TMEM132B: variants seen among roughly 807,000 people sequenced by gnomAD.
TMEM132B encodes the protein transmembrane protein 132B.
In TMEM132B, 18 loss-of-function variants were observed where a neutral mutation model predicts 90.8. The observed-to-expected ratio is 0.20, with a 90% CI of 0.14 to 0.29. TMEM132B has a LOEUF of 0.29. TMEM132B is among the 10% of genes least tolerant of loss of function. The pLI, the probability that TMEM132B is intolerant of heterozygous loss-of-function variation, is 1.00. For synonymous variants in TMEM132B, 504 were observed against 523.3 expected (o/e 0.96, Z 0.50); for missense variants, 1,096 against 1,326.8 (o/e 0.83, Z 2.70).
chr12:125,519,754 AT>A, intron 4 of TMEM132B, 129 bp downstream of exon 4: 1 of 924,118 alleles, frequency 1.1e-6, no homozygotes, highest in Non-Finnish European at 1.6e-6. Context: ...CTTAAATTGC[AT>A]TTGATCTACC....
chr12:125,462,765 A>G (rs1487066106), intron 3 of TMEM132B, among the ~76,000 whole-genome samples: 2 of 152,188 alleles, frequency 1.3e-5, no homozygotes, highest in Non-Finnish European at 2.9e-5. Context: ...GATTACTACC[A>G]ATAAAATTTG....
intron 1 of TMEM132B, among the ~76,000 whole-genome samples, chr12:125,284,869 T>C (rs1246420221): frequency 6.6e-6 from 1 of 152,214 alleles, no homozygotes; most frequent in African/African-American, 2.4e-5. Context: ...TTGCTCTGTG[T>C]TGGCTTTATT....
chr12:125,637,262 TA>T (rs1886507654), intron 5 of TMEM132B, among the ~76,000 whole-genome samples: 1 of 152,154 alleles, frequency 6.6e-6, no homozygotes, highest in Non-Finnish European at 1.5e-5. Flanking sequence ...ACACAAAAAC[TA>T]AGAATGAACT....
intron 1 of TMEM132B, among the ~76,000 whole-genome samples, chr12:125,347,636 G>A (rs552006672): frequency 1.3e-5 from 2 of 152,336 alleles, no homozygotes; most frequent in South Asian, 4.1e-4. Context: ...CCTCTGGGAT[G>A]CTGCATTTTA....
At chr12:125,279,899 T>G (rs1054488070) in intron 1 of TMEM132B, among the ~76,000 whole-genome samples, 3 of 152,214 alleles carry the variant, frequency 2.0e-5, no homozygotes, top group African/African-American at 7.2e-5. Context: ...ATTATATTAA[T>G]AACTAACACT....
At chr12:125,302,189 ACT>A (rs1409382607) in intron 1 of TMEM132B, among the ~76,000 whole-genome samples, 1 of 151,020 alleles carries the variant, frequency 6.6e-6, no homozygotes, top group East Asian at 1.9e-4. Flanking sequence ...ACAGAGGGAG[ACT>A]CTGTCTCAAA....
chr12:125,428,142 C>T (rs1880379162), intron 3 of TMEM132B, among the ~76,000 whole-genome samples: 1 of 152,026 alleles, frequency 6.6e-6, no homozygotes, highest in Non-Finnish European at 1.5e-5. Flanking sequence ...CAGGCATGTA[C>T]CATCATACCT....
At chr12:125,289,575 C>T (rs1453566637) in intron 1 of TMEM132B, among the ~76,000 whole-genome samples, 4 of 152,228 alleles carry the variant, frequency 2.6e-5, no homozygotes, top group Admixed American at 1.3e-4. Flanking sequence ...GGAACCCAGA[C>T]AGAGAATAAC....
At chr12:125,376,419 C>A (rs565719124) in intron 2 of TMEM132B, among the ~76,000 whole-genome samples, 4 of 152,096 alleles carry the variant, frequency 2.6e-5, no homozygotes, top group African/African-American at 9.7e-5. Flanking sequence ...TGACAGGGCA[C>A]GGGATGCCTG....
In TMEM132B at chr12:125,519,636, T is replaced by G. The variant is rs369479080; in HGVS notation, c.1293+11T>G. The G allele has an allele frequency of 4.9e-5, 79 of 1,613,172 alleles. No homozygotes were observed. Among genetic ancestry groups the G allele is most frequent in the Non-Finnish European group, 6.6e-5 (78 of 1,179,862 alleles). On this transcript the variant is annotated intron_variant, in intron 4 of 8. Transcript: ENST00000682704. Reference sequence around the variant, plus strand: ...GTCCCTCTTGCCATGGTGAGGAATCTGGGGGTTTCAGAGGAAGTGTCACAA... The same window carrying G: ...GTCCCTCTTGCCATGGTGAGGAATCGGGGGGTTTCAGAGGAAGTGTCACAA...
chr12:125,584,778 A>C (rs1019212323), intron 5 of TMEM132B: 1 of 152,070 alleles, frequency 6.6e-6, no homozygotes, highest in Non-Finnish European at 1.5e-5. Context: ...ATTTCTGCCT[A>C]TTTTTTCTTA....
rs1465553063 is a variant in TMEM132B at position 125,498,651 on chromosome 12, C to T, written c.1107-20788C>T. Among the ~76,000 whole-genome samples, 2 of 152,182 alleles carry T rather than the reference C, an allele frequency of 1.3e-5. No homozygotes were observed. The highest frequency in any genetic ancestry group is 4.8e-5 in the African/African-American group (2 of 41,450). ...CAGGAGACAGGTAAAGAGGATACCC[C>T]CTGATTCTAGTTGGAAAGACCAGCT... On this transcript the variant is annotated intron_variant, in intron 3 of 8. Transcript: ENST00000682704. The surrounding 1 kb of genome is among the most constrained non-coding windows in gnomAD (Gnocchi z 4.5).
At chr12:125,551,613 G>T (rs1482427664) in intron 4 of TMEM132B, among the ~76,000 whole-genome samples, 2 of 137,686 alleles carry the variant, frequency 1.5e-5, no homozygotes, top group African/African-American at 2.9e-5. Context: ...TAAACAAGAT[G>T]ATGCTCATTT....
intron 4 of TMEM132B, among the ~76,000 whole-genome samples, chr12:125,527,062 C>G (rs1294936287): frequency 2.0e-5 from 3 of 148,370 alleles, no homozygotes; most frequent in Admixed American, 6.7e-5. Flanking sequence ...TTCCATCCAC[C>G]CATTTACCCT....
At chr12:125,346,429 G>A (rs2136228103) in intron 1 of TMEM132B, among the ~76,000 whole-genome samples, 1 of 152,284 alleles carries the variant, frequency 6.6e-6, no homozygotes, top group South Asian at 2.1e-4. Context: ...AGTCTGGTGT[G>A]CCTGCTTAGC....
Position 125,409,595 on chromosome 12 carries a change from TGGA to T in TMEM132B, c.960-5931_960-5929del, listed in dbSNP as rs1566026130. ...GTGAGTGGAGTGGAGTGGAGTGGAG[TGGA>T]GGAGTGGAGTGGAGTGGAGTGGAGG... On this transcript the variant is annotated intron_variant, in intron 2 of 8. Coordinates refer to ENST00000682704, the MANE Select transcript of TMEM132B (RefSeq NM_001366854.1). 1.6e-3 allele frequency among the ~76,000 whole-genome samples: 103 copies of T among 65,344 alleles called. 5 individuals are homozygous for T. The highest frequency in any genetic ancestry group is 5.9e-3 in the African/African-American group (81 of 13,814). 42.9% of individuals were successfully genotyped at this position (65,344 alleles called of 152,430 possible). A position where few individuals can be genotyped will look rare whatever the true frequency, so the allele number is the denominator to read the frequency against.
chr12:125,651,088 T>G, intron 7 of TMEM132B, 135 bp downstream of exon 7: 1 of 1,219,594 alleles, frequency 8.2e-7, no homozygotes. Context: ...GTGCATGTAT[T>G]GCCTCTGTTT....
At chr12:125,623,508 C>G (rs1018440744) in intron 5 of TMEM132B, among the ~76,000 whole-genome samples, 1 of 151,898 alleles carries the variant, frequency 6.6e-6, no homozygotes, top group Non-Finnish European at 1.5e-5. Flanking sequence ...CTGGTGCCAT[C>G]TAATAGGGAG....
At chr12:125,282,059 AAGAG>A (rs1365887176) in intron 1 of TMEM132B, among the ~76,000 whole-genome samples, 7 of 31,632 alleles carry the variant, frequency 2.2e-4, no homozygotes, top group South Asian at 1.1e-3. Context: ...AAAAAAAAAA[AAGAG>A]AGACTTTTGA....
Sources: allele counts gnomAD v4.1 joint callset (sites outside exome capture counted in the v4.1 genomes callset), GRCh38; gene constraint gnomAD v4.1.1; non-coding constraint Gnocchi (gnomAD v3.1); transcripts MANE v1.5; gene names NCBI Gene and HGNC (gene_info 2026-07-23, HGNC 2026-07-21).